Variants in ANKRD17 observed in about 807,000 individuals in gnomAD.
ANKRD17 encodes the protein ankyrin repeat domain 17, also known as ankyrin repeat domain-containing protein 17.
Under a neutral mutation model 229.7 loss-of-function variants are expected in ANKRD17, and 19 were observed. The observed-to-expected ratio is 0.08, with a 90% confidence interval of 0.06 to 0.12. ANKRD17 has a LOEUF of 0.12. ANKRD17 is among the 10% of genes least tolerant of loss of function. The pLI is 1.00. For missense variants in ANKRD17, 2,176 were observed against 3,176.8 expected, an observed-to-expected ratio of 0.68 and a Z score of 7.57; for synonymous variants, 1,112 against 1,146.1, an observed-to-expected ratio of 0.97 and a Z score of 0.60.
chr4:73,096,418 G>A (rs1027763927), intron 27 of ANKRD17, among the ~76,000 whole-genome samples: 3 of 152,164 alleles, frequency 2.0e-5, no homozygotes, highest in East Asian at 3.8e-4. Flanking sequence ...TAGGTATGAC[G>A]GGGACAAGAT....
chr4:73,127,480 T>C (rs1261572588), intron 16 of ANKRD17, among the ~76,000 whole-genome samples: 1 of 152,206 alleles, frequency 6.6e-6, no homozygotes, highest in Non-Finnish European at 1.5e-5. Flanking sequence ...ATTTTTCAAC[T>C]GAACAGTGTT....
intron 1 of ANKRD17, among the ~76,000 whole-genome samples, chr4:73,240,153 C>T (rs1295721820): frequency 1.3e-5 from 2 of 152,044 alleles, no homozygotes; most frequent in African/African-American, 4.8e-5. Flanking sequence ...AGTTCAAAGA[C>T]AACCTAAGGG....
chr4:73,147,698 A>C (rs1345599703), intron 8 of ANKRD17, among the ~76,000 whole-genome samples: 1 of 152,098 alleles, frequency 6.6e-6, no homozygotes, highest in Non-Finnish European at 1.5e-5. Context: ...AAAGAACTCA[A>C]AAAAATAAGC....
chr4:73,151,284 T>A (rs1408676684), intron 7 of ANKRD17, 146 bp downstream of exon 7: 10 of 658,016 alleles, frequency 1.5e-5, no homozygotes, highest in Non-Finnish European at 2.2e-5. Context: ...GAAAGTAACT[T>A]TAATAGAAGT....
At chr4:73,221,341 T>A (rs1741826065) in intron 1 of ANKRD17, among the ~76,000 whole-genome samples, 1 of 152,032 alleles carries the variant, frequency 6.6e-6, no homozygotes, top group Admixed American at 6.6e-5. Context: ...AAAAAGCCAG[T>A]TGTTCAGGTA....
At chr4:73,099,619 T>C (rs760463690) in intron 25 of ANKRD17, among the ~76,000 whole-genome samples, 1 of 152,180 alleles carries the variant, frequency 6.6e-6, no homozygotes, top group East Asian at 1.9e-4. Flanking sequence ...CATGCCCTAC[T>C]CCACTGCCCT....
chr4:73,105,679 T>C (rs1049204182), intron 24 of ANKRD17, among the ~76,000 whole-genome samples: 1 of 152,124 alleles, frequency 6.6e-6, no homozygotes. Flanking sequence ...TCCACCACAG[T>C]TAGTTTATTG....
In ANKRD17 at chr4:73,147,369, C is replaced by G. The variant is rs1266475904; in HGVS notation, c.1631G>C (p.Gly544Ala). 1.2e-6 allele frequency: 2 copies of G among 1,608,990 alleles called. No homozygotes were observed. Among genetic ancestry groups the G allele is most frequent in the Admixed American group, 1.7e-5 (1 of 59,508 alleles). The change falls in exon 9 of 34, where the codon GGA becomes GCA. Residue 544 changes from glycine (G) to alanine (A), a missense_variant. Physicochemically the swap from Gly to Ala is moderately conservative, Grantham distance 60. Coordinates refer to ENST00000358602, the MANE Select transcript of ANKRD17 (RefSeq NM_032217.5). ...QETALTLACC[G>A]GFLEVADFLI... The stretch of plus-strand genomic sequence containing the variant: ...AAAGTCTGCCACTTCCAGAAAGCCT[C>G]CACAGCAAGCCAGAGTCAAGGCAGT...
chr4:73,212,831 C>T (rs900432599), intron 1 of ANKRD17, among the ~76,000 whole-genome samples: 3 of 149,886 alleles, frequency 2.0e-5, no homozygotes, highest in African/African-American at 7.4e-5. Flanking sequence ...GCCTGGCCAA[C>T]ATTGTGAAAC....
At chr4:73,151,943 C>A (rs1239645496) in intron 6 of ANKRD17, among the ~76,000 whole-genome samples, 6 of 152,194 alleles carry the variant, frequency 3.9e-5, no homozygotes, top group African/African-American at 7.2e-5. Context: ...GTTCCAATAC[C>A]TAACTCAGAA....
Position 73,258,694 on chromosome 4 carries a change from A to G in ANKRD17, c.-26T>C. On this transcript the variant is annotated 5_prime_UTR_variant, in exon 1 of 34. Coordinates refer to ENST00000358602, the MANE Select transcript of ANKRD17 (RefSeq NM_032217.5). ...CCCCAGGGAAAGAGGGAGGGCGCGG[A>G]CGGGGGAGGGGCGTGGGGCTACGCT... 1 of 1,437,736 alleles carries G rather than the reference A, an allele frequency of 7.0e-7. No individual in the cohort carries two copies. Among genetic ancestry groups the G allele is most frequent in the Non-Finnish European group, 9.0e-7 (1 of 1,106,990 alleles). The allele number at this position is 1,437,736 out of a possible 1,614,324, so 89.1% of individuals were successfully genotyped here. A position where few individuals can be genotyped will look rare whatever the true frequency, so the allele number is the denominator to read the frequency against.
intron 1 of ANKRD17, among the ~76,000 whole-genome samples, chr4:73,235,842 G>C (rs1743452210): frequency 6.6e-6 from 1 of 151,778 alleles, no homozygotes; most frequent in African/African-American, 2.4e-5. Flanking sequence ...AGAAGGGAAG[G>C]TTCGTAATGA....
intron 2 of ANKRD17, among the ~76,000 whole-genome samples, chr4:73,167,474 G>T (rs770299159): frequency 6.6e-6 from 1 of 152,142 alleles, no homozygotes; most frequent in Non-Finnish European, 1.5e-5. Context: ...ATCTACTTCC[G>T]TGTAACATCT....
rs181734365 is a variant in ANKRD17 at position 73,153,498 on chromosome 4, G to A, written c.1234+382C>T. On this transcript the variant is annotated intron_variant, in intron 6 of 33. Transcript: ENST00000358602. ...AAAATATCTTTCTAGGCAATTGTCC[G>A]GTCTGCCAAAGGAGGGCATTTTCTG... Among the ~76,000 whole-genome samples, 358 of 152,034 alleles carry A rather than the reference G, an allele frequency of 2.4e-3. 3 individuals are homozygous for A. Among genetic ancestry groups the A allele is most frequent in the African/African-American group, 8.0e-3 (331 of 41,466 alleles).
At chr4:73,147,219 T>C in intron 9 of ANKRD17, 22 bp downstream of exon 9, 3 of 1,515,022 alleles carry the variant, frequency 2.0e-6, no homozygotes, top group Non-Finnish European at 2.7e-6. Flanking sequence ...AAAAAACTTC[T>C]CCCAAATGCA....
chr4:73,081,007 A>G (rs996802421), intron 30 of ANKRD17, among the ~76,000 whole-genome samples: 3 of 152,136 alleles, frequency 2.0e-5, no homozygotes, highest in Non-Finnish European at 4.4e-5. Flanking sequence ...TAAGAAGTTT[A>G]CTCTCTGCAC....
chr4:73,125,805 G>A (rs1301585196), intron 16 of ANKRD17, among the ~76,000 whole-genome samples: 1 of 151,680 alleles, frequency 6.6e-6, no homozygotes, highest in Non-Finnish European at 1.5e-5. Flanking sequence ...CAACTTGCGA[G>A]TTTTTTAAAA....
At chr4:73,232,708 C>G (rs1283433969) in intron 1 of ANKRD17, among the ~76,000 whole-genome samples, 1 of 151,926 alleles carries the variant, frequency 6.6e-6, no homozygotes, top group Non-Finnish European at 1.5e-5. Flanking sequence ...TAGAGGCCAC[C>G]ACATGTCTGC....
chr4:73,112,695 G>A (rs1578085183), intron 24 of ANKRD17: 1 of 771,102 alleles, frequency 1.3e-6, no homozygotes, highest in East Asian at 1.3e-4. Flanking sequence ...TAGCTAACAA[G>A]TCAAAAAACG....
Sources: allele counts gnomAD v4.1 joint callset (sites outside exome capture counted in the v4.1 genomes callset), GRCh38; gene constraint gnomAD v4.1.1; transcripts MANE v1.5; gene names NCBI Gene and HGNC (gene_info 2026-07-23, HGNC 2026-07-21).